Variants in GRID1 observed in about 807,000 individuals in gnomAD.
GRID1 encodes glutamate receptor ionotropic, delta-1.
In GRID1, 28 loss-of-function variants were observed where a neutral mutation model predicts 98.0. That is an observed-to-expected ratio of 0.29 (90% confidence interval 0.21 to 0.39). The LOEUF is 0.39. Among genes scored for constraint, GRID1 ranks in the 10% least tolerant of loss-of-function variants. The pLI, the probability that GRID1 is intolerant of heterozygous loss-of-function variation, is 1.00. For synonymous variants in GRID1, 553 were observed against 538.5 expected (o/e 1.03, Z -0.37); for missense variants, 1,111 against 1,340.5 (o/e 0.83, Z 2.67).
At chr10:85,745,620 C>T (rs1181697350) in intron 8 of GRID1, among the ~76,000 whole-genome samples, 3 of 133,040 alleles carry the variant, frequency 2.3e-5, no homozygotes, top group African/African-American at 8.8e-5. Context: ...ATACCTAATG[C>T]TAGATGACAC....
chr10:85,632,849 A>G (rs1174009475), intron 13 of GRID1, among the ~76,000 whole-genome samples: 2 of 152,200 alleles, frequency 1.3e-5, no homozygotes, highest in African/African-American at 4.8e-5. Flanking sequence ...TAAGCCTCAC[A>G]TGCATTAACT....
chr10:85,976,677 G>A (rs1564640120), intron 4 of GRID1, among the ~76,000 whole-genome samples: 2 of 152,186 alleles, frequency 1.3e-5, no homozygotes, highest in African/African-American at 4.8e-5. Context: ...CGTAGCCCTC[G>A]TCCAGTTCCC....
At chr10:86,183,083 A>G (rs1351937086) in intron 3 of GRID1, among the ~76,000 whole-genome samples, 1 of 152,086 alleles carries the variant, frequency 6.6e-6, no homozygotes, top group Non-Finnish European at 1.5e-5. Context: ...ATACTCCCCA[A>G]ATTTTCTTGT....
At chr10:86,301,377 T>C (rs964872115) in intron 2 of GRID1, among the ~76,000 whole-genome samples, 3 of 152,276 alleles carry the variant, frequency 2.0e-5, no homozygotes, top group African/African-American at 7.2e-5. Context: ...TTTTCCTTCC[T>C]GTTGTGCTAA....
At chr10:86,227,010 A>G (rs568129911) in intron 2 of GRID1, among the ~76,000 whole-genome samples, 1 of 152,206 alleles carries the variant, frequency 6.6e-6, no homozygotes, top group African/African-American at 2.4e-5. Context: ...TCAAGCATCT[A>G]CCAGAGGAGC....
At chr10:86,021,081 C>T (rs560036303) in intron 4 of GRID1, among the ~76,000 whole-genome samples, 18 of 151,684 alleles carry the variant, frequency 1.2e-4, no homozygotes, top group Middle Eastern at 3.4e-3. Context: ...CCTGGGAGGA[C>T]GATAAAAGTG....
chr10:86,038,151 C>G (rs1843295169), intron 4 of GRID1, among the ~76,000 whole-genome samples: 1 of 152,152 alleles, frequency 6.6e-6, no homozygotes. Context: ...GAACTCCTAG[C>G]CTCCAGAACT....
At chr10:86,089,075 G>A (rs1389386849) in intron 4 of GRID1, among the ~76,000 whole-genome samples, 1 of 152,146 alleles carries the variant, frequency 6.6e-6, no homozygotes. Context: ...GCAGATCCCA[G>A]ACTCCCCATC....
At chr10:86,155,257 C>G (rs185044910) in intron 3 of GRID1, among the ~76,000 whole-genome samples, 145 of 152,376 alleles carry the variant, frequency 9.5e-4, no homozygotes, top group Non-Finnish European at 1.6e-3. Context: ...CTGCCTGCAG[C>G]CAATAGCTGG....
chr10:85,887,544 G>C (rs901819739), intron 5 of GRID1, among the ~76,000 whole-genome samples: 1 of 152,124 alleles, frequency 6.6e-6, no homozygotes, highest in Admixed American at 6.5e-5. Flanking sequence ...TATCTCATCA[G>C]AATCTGCATT....
intron 2 of GRID1, among the ~76,000 whole-genome samples, chr10:86,213,908 C>T (rs935659567): frequency 2.0e-5 from 3 of 152,206 alleles, no homozygotes; most frequent in Non-Finnish European, 2.9e-5. Context: ...TTCTCTCTCA[C>T]TGGCCCTCTG....
Position 85,918,034 on chromosome 10 carries a change from T to C in GRID1, c.727-1795A>G, listed in dbSNP as rs142888807. Among the ~76,000 whole-genome samples the C allele has an allele frequency of 1.3e-3, 201 of 152,310 alleles. 1 individual carries two copies. Among genetic ancestry groups the C allele is most frequent in the African/African-American group, 3.6e-3 (151 of 41,566 alleles). Reference sequence around the variant, plus strand: ...GGTGGAGGGAGAAGTGGAGACAGGGTGGGCTGAGAATGCTCTGAGCGCATC... The same window carrying C: ...GGTGGAGGGAGAAGTGGAGACAGGGCGGGCTGAGAATGCTCTGAGCGCATC... On this transcript the variant is annotated intron_variant, in intron 4 of 15. Transcript: ENST00000327946.
At chr10:86,225,903 C>A (rs535702575) in intron 2 of GRID1, among the ~76,000 whole-genome samples, 4 of 152,152 alleles carry the variant, frequency 2.6e-5, no homozygotes, top group Non-Finnish European at 5.9e-5. Context: ...CGTGTGTGAG[C>A]ATCAGGTCAC....
chr10:85,723,934 G>T lies in GRID1; in HGVS notation c.1858+418C>A, dbSNP rs368816778. 9.8e-5 allele frequency among the ~76,000 whole-genome samples: 15 copies of T among 152,316 alleles called. No homozygotes were observed. The East Asian group carries it at 1.7e-3, about 18-fold the overall frequency. ...CCATCCAGACCCCTCAGAGGTAGGA[G>T]AATTTGTACCTCAAGAATGGCTGAA... On this transcript the variant is annotated intron_variant, in intron 11 of 15. Transcript: ENST00000327946.
At position 86,009,040 on chromosome 10, in the gene GRID1, T is replaced by C. The variant is rs1291376304; in HGVS notation, c.727-92801A>G. Among the ~76,000 whole-genome samples, 5 of 152,174 alleles carry C rather than the reference T, an allele frequency of 3.3e-5. No homozygotes were observed. In the East Asian group the frequency reaches 9.6e-4, roughly 29 times the overall value. ...CGTCCTATTGTAATATTATATAGCA[T>C]TCAAAATGCTAATGAGCTCTGGCCA... On this transcript the variant is annotated intron_variant, in intron 4 of 15. Coordinates refer to ENST00000327946, the MANE Select transcript of GRID1 (RefSeq NM_017551.3).
chr10:85,913,951 T>G (rs1308351221), intron 5 of GRID1, among the ~76,000 whole-genome samples: 2 of 152,190 alleles, frequency 1.3e-5, no homozygotes, highest in Non-Finnish European at 2.9e-5. Flanking sequence ...CCATGTGCAC[T>G]GCCGGGCTGG....
At chr10:85,960,539 A>C (rs1298509022) in intron 4 of GRID1, among the ~76,000 whole-genome samples, 1 of 152,128 alleles carries the variant, frequency 6.6e-6, no homozygotes, top group African/African-American at 2.4e-5. Context: ...TGGGCATGAG[A>C]GCATATATCC....
chr10:86,207,389 A>C (rs1028266802), intron 2 of GRID1, among the ~76,000 whole-genome samples: 1 of 152,190 alleles, frequency 6.6e-6, no homozygotes, highest in Non-Finnish European at 1.5e-5. Flanking sequence ...GGAGGAACAC[A>C]GCGGACGCTC....
At chr10:86,044,959 A>G (rs192171726) in intron 4 of GRID1, among the ~76,000 whole-genome samples, 6 of 152,310 alleles carry the variant, frequency 3.9e-5, no homozygotes, top group Admixed American at 3.9e-4. Context: ...TTGCATATTC[A>G]TTCCTCAGAT....
Sources: gnomAD v4.1 joint callset for allele counts (sites outside exome capture counted in the v4.1 genomes callset) on GRCh38, gnomAD v4.1.1 for gene constraint, MANE v1.5 for transcripts, NCBI Gene and HGNC (gene_info 2026-07-23, HGNC 2026-07-21) for gene names.